MTUS2: variants seen among roughly 807,000 people sequenced by gnomAD.
MTUS2 encodes microtubule-associated tumor suppressor candidate 2.
In MTUS2, 40 loss-of-function variants were observed where a neutral mutation model predicts 114.1. The ratio of observed to expected loss-of-function variants is 0.35; its 90% CI spans 0.27 to 0.46. The LOEUF (loss-of-function observed/expected upper bound fraction) is 0.46, where lower values mean the gene tolerates loss of function less well. Ranked by LOEUF, MTUS2 falls within the 20% of genes least tolerant of loss-of-function variation. The pLI is 1.00. For synonymous variants in MTUS2, 688 were observed against 672.0 expected, an observed-to-expected ratio of 1.02 and a Z score of -0.37; for missense variants, 1,679 against 1,705.4, an observed-to-expected ratio of 0.98 and a Z score of 0.27.
At chr13:28,860,673 C>T (rs1181451248) in intron 2 of MTUS2, among the ~76,000 whole-genome samples, 1 of 152,196 alleles carries the variant, frequency 6.6e-6, no homozygotes, top group African/African-American at 2.4e-5. Flanking sequence ...CTCCCATCCA[C>T]CTCAGATGTT....
At chr13:29,401,339 A>C (rs1874327975) in intron 8 of MTUS2, among the ~76,000 whole-genome samples, 1 of 152,134 alleles carries the variant, frequency 6.6e-6, no homozygotes, top group Admixed American at 6.5e-5. Context: ...TACTTTGATT[A>C]TGCTGTCTTT....
intron 5 of MTUS2, among the ~76,000 whole-genome samples, chr13:29,248,112 C>T (rs1418606726): frequency 3.3e-5 from 5 of 152,228 alleles, no homozygotes; most frequent in Non-Finnish European, 7.3e-5. Flanking sequence ...CTGGATGGAA[C>T]TGGAGACCAT....
At position 28,988,677 on chromosome 13, in the gene MTUS2, C is replaced by T. The variant is rs1033774008; in HGVS notation, c.-242-35780C>T. Among the ~76,000 whole-genome samples the T allele has an allele frequency of 2.6e-5, 4 of 152,034 alleles. No individual in the cohort carries two copies. In the East Asian group the frequency reaches 7.7e-4, roughly 29 times the overall value. On this transcript the variant is annotated intron_variant, in intron 2 of 15. Transcript: ENST00000612955. ...AGTTATTTCAGAAAATGTAATTATC[C>T]CTTTTAACACGAAAATGTTAAAAGT...
intron 5 of MTUS2, among the ~76,000 whole-genome samples, chr13:29,173,711 A>G (rs1183243984): frequency 6.6e-6 from 1 of 152,164 alleles, no homozygotes; most frequent in East Asian, 1.9e-4. Flanking sequence ...TGAGAAGACT[A>G]TCAGTGGGTC....
intron 1 of MTUS2, among the ~76,000 whole-genome samples, chr13:28,823,085 C>T (rs1013252721): frequency 4.6e-5 from 7 of 151,792 alleles, no homozygotes; most frequent in African/African-American, 1.7e-4. Flanking sequence ...TCTTCCTCCT[C>T]TCAGAGGCAG....
chr13:28,898,557 G>A (rs1879432433), intron 2 of MTUS2, among the ~76,000 whole-genome samples: 1 of 152,156 alleles, frequency 6.6e-6, no homozygotes, highest in East Asian at 1.9e-4. Flanking sequence ...TGCTGATTGT[G>A]AACATTATCT....
intron 4 of MTUS2, among the ~76,000 whole-genome samples, chr13:29,081,531 T>G (rs923265014): frequency 6.6e-6 from 1 of 151,836 alleles, no homozygotes; most frequent in African/African-American, 2.4e-5. Context: ...AAGCAAAACG[T>G]TTCTTGTACT....
rs1049258069 is a variant in MTUS2, at chr13:29,331,283, T to C, written c.2905+6572T>C. On this transcript the variant is annotated intron_variant, in intron 7 of 15. Coordinates refer to ENST00000612955, the MANE Select transcript of MTUS2 (RefSeq NM_001033602.4). ...AATGCTTGTGATTTTTGCACATTGA[T>C]TGTGTATCCTGAGACTTTGGTGAAG... Among the ~76,000 whole-genome samples the C allele has an allele frequency of 3.9e-5, 6 of 152,188 alleles. No homozygotes were observed. The East Asian group carries it at 1.2e-3, about 29-fold the overall frequency.
chr13:29,285,337 T>C (rs938506980), intron 6 of MTUS2, among the ~76,000 whole-genome samples: 2 of 152,148 alleles, frequency 1.3e-5, no homozygotes, highest in African/African-American at 4.8e-5. Context: ...GATAACCAAA[T>C]AGCTGGTGAG....
In MTUS2 at chr13:29,353,159, T is replaced by C. The variant is rs138946857; in HGVS notation, c.2906-6103T>C. On this transcript the variant is annotated intron_variant, in intron 7 of 15. Coordinates refer to ENST00000612955, the MANE Select transcript of MTUS2 (RefSeq NM_001033602.4). ...ATTATGAATTTTTCCTTTATGAGTA[T>C]TGGATATATTTTTATTGCCATAGTA... Among the ~76,000 whole-genome samples the C allele has an allele frequency of 1.3e-4, 20 of 152,300 alleles. No homozygotes were observed. The East Asian group carries it at 3.7e-3, about 28-fold the overall frequency.
rs1266592745 is a variant in MTUS2, at chr13:29,024,720, A to C, written c.22A>C (p.Lys8Gln). 1 of 1,613,868 alleles carries C rather than the reference A, an allele frequency of 6.2e-7. No homozygotes were observed. The highest frequency in any genetic ancestry group is 1.3e-5 in the African/African-American group (1 of 74,940). The change falls in exon 3 of 16, where the codon AAG becomes CAG. Residue 8 changes from lysine (K) to glutamine (Q), a missense_variant. Physicochemically the swap from Lys to Gln is moderately conservative, Grantham distance 53 (BLOSUM62 1). This residue lies in a region of MTUS2 where 843 missense variants were observed against 770.8 expected (regional missense o/e 1.09). Transcript: ENST00000612955. ...GACAATGAGCGTCCCAGTGGCTCCT[A>C]AGAAATCATGTTACACTCAGTTGCG... Reference protein sequence around the residue: MSVPVAPKKSCYTQLRDN... With the variant: MSVPVAPQKSCYTQLRDN...
chr13:29,215,595 C>A (rs1021194469), intron 5 of MTUS2, among the ~76,000 whole-genome samples: 6 of 146,958 alleles, frequency 4.1e-5, no homozygotes, highest in Admixed American at 2.8e-4. Flanking sequence ...GATGTTATTT[C>A]TTCCTATTTG....
At chr13:29,260,997 A>G (rs1179185552) in intron 5 of MTUS2, among the ~76,000 whole-genome samples, 1 of 152,206 alleles carries the variant, frequency 6.6e-6, no homozygotes, top group Non-Finnish European at 1.5e-5. Flanking sequence ...GAAAAACTCC[A>G]GGCTAAAGGG....
intron 7 of MTUS2, among the ~76,000 whole-genome samples, chr13:29,340,978 T>G (rs1441360615): frequency 6.6e-6 from 1 of 152,228 alleles, no homozygotes; most frequent in African/African-American, 2.4e-5. Context: ...ATGCCATTAT[T>G]TCTTTTCTTT....
intron 1 of MTUS2, among the ~76,000 whole-genome samples, chr13:28,829,173 C>T (rs1005048184): frequency 2.6e-5 from 4 of 152,156 alleles, no homozygotes; most frequent in Non-Finnish European, 5.9e-5. Context: ...TGAACTTTGT[C>T]ATTTTTAAAC....
intron 2 of MTUS2, among the ~76,000 whole-genome samples, chr13:28,852,452 T>C (rs754376553): frequency 3.3e-5 from 5 of 152,126 alleles, no homozygotes; most frequent in Middle Eastern, 3.2e-3. Context: ...GGACAGTAGC[T>C]GGGAGGTCTG....
At chr13:29,384,178 A>G (rs981838195) in intron 8 of MTUS2, among the ~76,000 whole-genome samples, 7 of 152,374 alleles carry the variant, frequency 4.6e-5, no homozygotes, top group African/African-American at 1.4e-4. Flanking sequence ...GGGAAATATT[A>G]CAGCCAAAAG....
chr13:29,481,391 G>A lies in MTUS2; in HGVS notation c.3399+1027G>A, dbSNP rs552639978. Among the ~76,000 whole-genome samples the A allele has an allele frequency of 2.0e-5, 3 of 152,034 alleles. No homozygotes were observed. In the East Asian group the frequency reaches 5.8e-4, roughly 29 times the overall value. On this transcript the variant is annotated intron_variant, in intron 10 of 15. Coordinates refer to ENST00000612955, the MANE Select transcript of MTUS2 (RefSeq NM_001033602.4). ...CACCACCCCCGCTTCCATGAGCACT[G>A]CTGCTCCTTTCTTTTCTCTTGTTTC...
chr13:29,144,478 C>T (rs75234026), intron 5 of MTUS2, among the ~76,000 whole-genome samples: 1 of 152,044 alleles, frequency 6.6e-6, no homozygotes, highest in African/African-American at 2.4e-5. Context: ...ATTCTCCCAC[C>T]TCAGCCTTCC....
Sources: gnomAD v4.1 joint callset for allele counts (sites outside exome capture counted in the v4.1 genomes callset) on GRCh38, gnomAD v4.1.1 for gene constraint, gnomAD v4.1.1 regional missense constraint, MANE v1.5 for transcripts, NCBI Gene and HGNC (gene_info 2026-07-23, HGNC 2026-07-21) for gene names.